RUNX1: variants seen among roughly 807,000 people sequenced by gnomAD.
The protein encoded by RUNX1 is runt-related transcription factor 1.
Under a neutral mutation model 42.8 loss-of-function variants are expected in RUNX1, and 19 were observed. The observed-to-expected ratio is 0.44, with a 90% CI of 0.31 to 0.65. RUNX1 has a LOEUF of 0.65. RUNX1 is among the 30% of genes least tolerant of loss of function. The pLI, the probability that RUNX1 is intolerant of heterozygous loss-of-function variation, is 0.07. For synonymous variants in RUNX1, 271 were observed against 289.4 expected (o/e 0.94, Z 0.64); for missense variants, 528 against 672.0 (o/e 0.79, Z 2.37).
At chr21:34,961,857 C>T (rs1332493174) in intron 2 of RUNX1, among the ~76,000 whole-genome samples, 1 of 152,118 alleles carries the variant, frequency 6.6e-6, no homozygotes, top group Non-Finnish European at 1.5e-5. Flanking sequence ...CATTCTGGTA[C>T]ATTCAACAGT....
At chr21:34,798,213 C>G (rs1569007830) in intron 8 of RUNX1, 1 of 444,920 alleles carries the variant, frequency 2.2e-6, no homozygotes, top group Admixed American at 2.4e-5. Flanking sequence ...CCGCCCCGTT[C>G]CCCCAACACA....
At chr21:35,043,921 T>A (rs914213712) in intron 2 of RUNX1, among the ~76,000 whole-genome samples, 2 of 152,156 alleles carry the variant, frequency 1.3e-5, no homozygotes, top group Admixed American at 1.3e-4. Flanking sequence ...ACAGGCAAAA[T>A]GGCCTTTTCC....
At chr21:34,906,189 A>G (rs1392784551) in intron 2 of RUNX1, among the ~76,000 whole-genome samples, 1 of 152,244 alleles carries the variant, frequency 6.6e-6, no homozygotes, top group Non-Finnish European at 1.5e-5. Flanking sequence ...TTATCATACC[A>G]GGAAGAGACT....
At chr21:34,974,411 AG>A (rs1261199975) in intron 2 of RUNX1, among the ~76,000 whole-genome samples, 1 of 150,908 alleles carries the variant, frequency 6.6e-6, no homozygotes, top group African/African-American at 2.5e-5. Context: ...AAAAAAAAAA[AG>A]GTGGTTCAGT....
intron 2 of RUNX1, among the ~76,000 whole-genome samples, chr21:35,040,089 T>C (rs537392371): frequency 5.3e-5 from 8 of 152,330 alleles, no homozygotes; most frequent in Admixed American, 2.0e-4. Flanking sequence ...TATACACATA[T>C]GTGGTTTCAG....
intron 2 of RUNX1, among the ~76,000 whole-genome samples, chr21:34,894,266 A>G (rs879788721): frequency 1.2e-4 from 19 of 152,156 alleles, no homozygotes; most frequent in Non-Finnish European, 1.8e-4. Flanking sequence ...AAGCTTTTCC[A>G]TGTCTGAGTC....
intron 2 of RUNX1, among the ~76,000 whole-genome samples, chr21:34,930,270 G>GTGTGTGTGTGTATATATATATATATA (rs372412304): frequency 1.6e-5 from 2 of 123,020 alleles, no homozygotes; most frequent in African/African-American, 7.5e-5. Flanking sequence ...GTGTGTGTAT[G>GTGTGTGTGTGTATATATATATATATA]TATATATATA....
intron 7 of RUNX1, among the ~76,000 whole-genome samples, chr21:34,827,520 TG>T (rs1272693211): frequency 6.6e-6 from 1 of 152,196 alleles, no homozygotes; most frequent in Non-Finnish European, 1.5e-5. Flanking sequence ...ATCAAAACAA[TG>T]GGAGAAAGAC....
chr21:34,940,270 C>T (rs1348648367), intron 2 of RUNX1, among the ~76,000 whole-genome samples: 2 of 152,090 alleles, frequency 1.3e-5, no homozygotes, highest in African/African-American at 4.8e-5. Flanking sequence ...TCCACATGAG[C>T]CCCAGCCTAG....
intron 5 of RUNX1, among the ~76,000 whole-genome samples, chr21:34,863,043 T>C (rs2057599924): frequency 6.6e-6 from 1 of 152,216 alleles, no homozygotes; most frequent in African/African-American, 2.4e-5. Flanking sequence ...TCCCATATAC[T>C]ATTTCATTTG....
intron 2 of RUNX1, among the ~76,000 whole-genome samples, chr21:34,979,854 G>A (rs560695444): frequency 6.6e-6 from 1 of 152,210 alleles, no homozygotes; most frequent in East Asian, 1.9e-4. Flanking sequence ...ACCTAACAGA[G>A]AACAGAGGGT....
At chr21:34,799,188 C>T (rs374408634) in intron 8 of RUNX1, 113 bp downstream of exon 8, 1 of 1,161,514 alleles carries the variant, frequency 8.6e-7, no homozygotes. Flanking sequence ...AGATAGGTCA[C>T]CTTTAAACCA....
intron 6 of RUNX1, among the ~76,000 whole-genome samples, chr21:34,858,131 C>T: frequency 6.6e-6 from 1 of 152,214 alleles, no homozygotes. Flanking sequence ...AGAGCTCCAT[C>T]CACTCAAGGA....
At position 34,792,666 on chromosome 21, in the gene RUNX1, A is replaced by C; in HGVS notation, c.968-56T>G. 6.8e-7 allele frequency: 1 copy of C among 1,479,190 alleles called. No homozygotes were observed. The highest frequency in any genetic ancestry group is 2.5e-5 in the East Asian group (1 of 40,480). The allele number at this position is 1,479,190 out of a possible 1,614,324, so 91.6% of individuals were successfully genotyped here. A position where few individuals can be genotyped will look rare whatever the true frequency, so the allele number is the denominator to read the frequency against. On this transcript the variant is annotated intron_variant, in intron 8 of 8. Coordinates refer to ENST00000675419, the MANE Select transcript of RUNX1 (RefSeq NM_001754.5). This position sits in a 1 kb window ranked among gnomAD's most constrained non-coding sequence, Gnocchi z 6.9. ...GTGAGTAGGAGGTTGCGGAGGCCAC[A>C]GCTCTTCCCTCTGCCCCAGGGGGCT...
intron 2 of RUNX1, among the ~76,000 whole-genome samples, chr21:34,938,775 T>C (rs1032120556): frequency 6.6e-6 from 1 of 152,208 alleles, no homozygotes; most frequent in Non-Finnish European, 1.5e-5. Context: ...TAATCATTTA[T>C]TACAATCCCT....
chr21:34,967,456 G>A (rs1284219507), intron 2 of RUNX1, among the ~76,000 whole-genome samples: 1 of 151,258 alleles, frequency 6.6e-6, no homozygotes, highest in Non-Finnish European at 1.5e-5. Flanking sequence ...CAGTGTCACG[G>A]GGGAGGCTGA....
intron 5 of RUNX1, among the ~76,000 whole-genome samples, chr21:34,877,898 A>C (rs1356557205): frequency 6.6e-6 from 1 of 152,232 alleles, no homozygotes; most frequent in Non-Finnish European, 1.5e-5. Context: ...TGGAGAATCC[A>C]TCAGACTGGT....
chr21:34,821,622 C>G (rs201050677), intron 7 of RUNX1: 2 of 1,556,564 alleles, frequency 1.3e-6, no homozygotes, highest in East Asian at 2.4e-5. Flanking sequence ...AAAGATAGCT[C>G]TATCCTGGCT....
At chr21:35,012,219 G>A (rs1251779202) in intron 2 of RUNX1, among the ~76,000 whole-genome samples, 3 of 152,166 alleles carry the variant, frequency 2.0e-5, no homozygotes, top group Non-Finnish European at 4.4e-5. Flanking sequence ...TGCTCCAAGA[G>A]TACAGGTTAG....
Sources: gnomAD v4.1 joint callset for allele counts (sites outside exome capture counted in the v4.1 genomes callset) on GRCh38, gnomAD v4.1.1 for gene constraint, Gnocchi (gnomAD v3.1) non-coding constraint, MANE v1.5 for transcripts, NCBI Gene and HGNC (gene_info 2026-07-23, HGNC 2026-07-21) for gene names.